Variants in AP1AR observed in about 807,000 individuals in gnomAD.
The protein encoded by AP1AR is AP-1 complex-associated regulatory protein.
A neutral mutation model predicts 46.3 loss-of-function variants in AP1AR; 29 were observed. The observed-to-expected ratio is 0.63, with a 90% CI of 0.47 to 0.85. AP1AR has a LOEUF of 0.85. Among genes scored for constraint, AP1AR ranks in the 40% least tolerant of loss-of-function variants. The pLI is 0.00. For missense variants in AP1AR, 357 were observed against 356.3 expected (o/e 1.00, Z -0.02); for synonymous variants, 122 against 122.9 (o/e 0.99, Z 0.05).
At chr4:112,265,091 C>G (rs779570138) in intron 7 of AP1AR, 24 bp downstream of exon 7, 4 of 1,572,342 alleles carry the variant, frequency 2.5e-6, no homozygotes, top group Non-Finnish European at 2.6e-6. Context: ...CATATGCCTC[C>G]TTCCCTTTGT....
chr4:112,253,617 C>T (rs1247937062), intron 2 of AP1AR, among the ~76,000 whole-genome samples: 2 of 152,198 alleles, frequency 1.3e-5, no homozygotes, highest in Admixed American at 6.5e-5. Flanking sequence ...AGCAACTCCA[C>T]AGCAGAATGA....
Position 112,263,014 on chromosome 4 carries a change from AC to A in AP1AR, c.310del (p.Leu104Ter). ...TAGCCTTACAAGAAGAGAAGTTAAGACTAGAAGAAGAAGCTTTATACGCTGC... is the reference window on the plus strand; with the variant it reads ...TAGCCTTACAAGAAGAGAAGTTAAGATAGAAGAAGAAGCTTTATACGCTGC... ...ELALQEEKLR[L>X]EEEALYAAQR... is the part of the protein sequence containing the mutation. On this transcript the variant is annotated frameshift_variant, in exon 6 of 10. Coordinates refer to ENST00000274000, the MANE Select transcript of AP1AR (RefSeq NM_018569.6). LOFTEE classifies it high-confidence loss of function. The A allele has an allele frequency of 1.2e-6, 2 of 1,613,858 alleles. No individual in the cohort carries two copies. Among genetic ancestry groups the A allele is most frequent in the Non-Finnish European group, 1.7e-6 (2 of 1,179,862 alleles).
chr4:112,241,797 A>G (rs966664460), intron 1 of AP1AR, among the ~76,000 whole-genome samples: 1 of 152,196 alleles, frequency 6.6e-6, no homozygotes, highest in Admixed American at 6.5e-5. Context: ...TTAAATCTCT[A>G]TTGAAATATT....
chr4:112,253,690 A>G (rs929941498), intron 2 of AP1AR, among the ~76,000 whole-genome samples: 1 of 152,218 alleles, frequency 6.6e-6, no homozygotes, highest in African/African-American at 2.4e-5. Context: ...TTCCTTACCT[A>G]CTATAAACTA....
At chr4:112,237,006 T>C (rs1444147638) in intron 1 of AP1AR, among the ~76,000 whole-genome samples, 3 of 152,258 alleles carry the variant, frequency 2.0e-5, no homozygotes, top group African/African-American at 7.2e-5. Context: ...AACCTTAACC[T>C]GTTTTTACCA....
At chr4:112,264,254 T>G (rs1222304279) in intron 6 of AP1AR, among the ~76,000 whole-genome samples, 1 of 152,204 alleles carries the variant, frequency 6.6e-6, no homozygotes, top group Non-Finnish European at 1.5e-5. Flanking sequence ...TGCTTCCCTT[T>G]TAAAGACAAA....
At chr4:112,260,432 A>G (rs150701507) in intron 4 of AP1AR, among the ~76,000 whole-genome samples, 1 of 152,226 alleles carries the variant, frequency 6.6e-6, no homozygotes, top group East Asian at 1.9e-4. Context: ...TATGATGAGC[A>G]TCTTGGGATA....
At chr4:112,233,867 T>C (rs1359670318) in intron 1 of AP1AR, among the ~76,000 whole-genome samples, 2 of 152,042 alleles carry the variant, frequency 1.3e-5, no homozygotes, top group Admixed American at 6.6e-5. Context: ...ATTTCTTTCT[T>C]TTTTTTTGAG....
At chr4:112,250,685 CGAGTATTTACTTTATCAGTATAATCTTA>C (rs1725919946) in intron 1 of AP1AR, among the ~76,000 whole-genome samples, 1 of 152,090 alleles carries the variant, frequency 6.6e-6, no homozygotes. Flanking sequence ...TTTGCCAAAT[CGAGTATTTACTTTATCAGTATAATCTTA>C]GCTTTTATTG....
chr4:112,263,547 A>C (rs1726545753), intron 6 of AP1AR, among the ~76,000 whole-genome samples: 1 of 151,928 alleles, frequency 6.6e-6, no homozygotes, highest in Non-Finnish European at 1.5e-5. Flanking sequence ...TTTCCCCATA[A>C]AATTATTACT....
intron 8 of AP1AR, among the ~76,000 whole-genome samples, chr4:112,266,090 G>A (rs1275382378): frequency 1.3e-5 from 2 of 151,590 alleles, no homozygotes; most frequent in African/African-American, 4.8e-5. Flanking sequence ...CCAAAAAAAA[G>A]AAAGGAAAGG....
At chr4:112,236,413 T>TTC (rs58399917) in intron 1 of AP1AR, among the ~76,000 whole-genome samples, 1 of 150,852 alleles carries the variant, frequency 6.6e-6, no homozygotes, top group African/African-American at 2.4e-5. Context: ...TTTTTTTTTT[T>TTC]CCCCCAAAAA....
intron 1 of AP1AR, among the ~76,000 whole-genome samples, chr4:112,237,750 C>T (rs1417812458): frequency 6.6e-5 from 10 of 152,164 alleles, no homozygotes; most frequent in South Asian, 6.2e-4. Context: ...TGAGCCACTG[C>T]GCCTGGCCTC....
intron 1 of AP1AR, among the ~76,000 whole-genome samples, chr4:112,239,250 G>A (rs1332071072): frequency 6.6e-6 from 1 of 152,076 alleles, no homozygotes; most frequent in African/African-American, 2.4e-5. Flanking sequence ...TGACTACCAT[G>A]TCTCCCTCCA....
Position 112,270,846 on chromosome 4 carries a change from T to C in AP1AR, c.*2437T>C, listed in dbSNP as rs1470668234. ...GTAATAGAAAGCCACTGAAATTTTT[T>C]GTAAGCAAGGATGTACAGTCATCAT... On this transcript the variant is annotated 3_prime_UTR_variant, in exon 10 of 10. Coordinates refer to ENST00000274000, the MANE Select transcript of AP1AR (RefSeq NM_018569.6). Among the ~76,000 whole-genome samples the C allele has an allele frequency of 6.6e-6, 1 of 152,222 alleles. No individual in the cohort carries two copies. Among genetic ancestry groups the C allele is most frequent in the African/African-American group, 2.4e-5 (1 of 41,446 alleles).
intron 3 of AP1AR, among the ~76,000 whole-genome samples, chr4:112,255,233 T>A (rs180833207): frequency 2.9e-3 from 441 of 152,168 alleles, no homozygotes; most frequent in African/African-American, 9.7e-3. Flanking sequence ...TGCTGGGATT[T>A]CAGGTGTGAG....
intron 9 of AP1AR, 67 bp downstream of exon 9, chr4:112,266,783 C>T (rs1032711972): frequency 7.0e-7 from 1 of 1,419,698 alleles, no homozygotes; most frequent in Non-Finnish European, 9.4e-7. Flanking sequence ...TGTAAATCTA[C>T]CTTGGTCTTT....
At chr4:112,243,887 A>C (rs544196634) in intron 1 of AP1AR, among the ~76,000 whole-genome samples, 2 of 152,236 alleles carry the variant, frequency 1.3e-5, no homozygotes, top group African/African-American at 4.8e-5. Context: ...CAGAGTAATT[A>C]TACTACTTTA....
intron 1 of AP1AR, among the ~76,000 whole-genome samples, chr4:112,242,461 A>AG (rs1725546185): frequency 6.6e-6 from 1 of 151,622 alleles, no homozygotes; most frequent in African/African-American, 2.4e-5. Context: ...AGAAAAAAAA[A>AG]GCTTACTTGG....
Sources: gnomAD v4.1 joint callset for allele counts (sites outside exome capture counted in the v4.1 genomes callset) on GRCh38, gnomAD v4.1.1 for gene constraint, MANE v1.5 for transcripts, NCBI Gene and HGNC (gene_info 2026-07-23, HGNC 2026-07-21) for gene names.